The following MGAT5 variants were observed in gnomAD, a reference collection of about 807,000 sequenced individuals.
The protein encoded by MGAT5 is alpha-1,6-mannosylglycoprotein 6-beta-N-acetylglucosaminyltransferase.
In MGAT5, 30 loss-of-function variants were observed where a neutral mutation model predicts 94.3. The ratio of observed to expected loss-of-function variants is 0.32; its 90% confidence interval spans 0.24 to 0.43. MGAT5 has a LOEUF of 0.43. Among genes scored for constraint, MGAT5 ranks in the 20% least tolerant of loss-of-function variants. MGAT5 has a pLI of 1.00. For missense variants in MGAT5, 691 were observed against 905.5 expected (o/e 0.76, Z 3.04); for synonymous variants, 310 against 322.9 (o/e 0.96, Z 0.43).
intron 1 of MGAT5, among the ~76,000 whole-genome samples, chr2:134,188,388 A>C: frequency 6.6e-6 from 1 of 152,246 alleles, no homozygotes; most frequent in East Asian, 1.9e-4. Flanking sequence ...GTGGCCTTGC[A>C]CAAGTCCCTT....
chr2:134,217,316 T>C (rs1054560749), intron 1 of MGAT5, among the ~76,000 whole-genome samples: 3 of 151,592 alleles, frequency 2.0e-5, no homozygotes, highest in African/African-American at 7.3e-5. Flanking sequence ...AGGAAATACA[T>C]CTTTTTTGAG....
intron 1 of MGAT5, among the ~76,000 whole-genome samples, chr2:134,257,836 CTTTTTTT>C (rs10628858): frequency 2.9e-4 from 31 of 106,432 alleles, no homozygotes; most frequent in African/African-American, 1.0e-3. Flanking sequence ...TTTGCAGTCT[CTTTTTTT>C]TTTTTTTTTT....
intron 2 of MGAT5, among the ~76,000 whole-genome samples, chr2:134,301,924 G>A (rs375589583): frequency 3.3e-5 from 5 of 152,242 alleles, no homozygotes; most frequent in African/African-American, 1.2e-4. Flanking sequence ...AAGAGACCTG[G>A]GGGATGCAAG....
At chr2:134,157,894 T>C (rs1687549530) in intron 1 of MGAT5, among the ~76,000 whole-genome samples, 1 of 152,188 alleles carries the variant, frequency 6.6e-6, no homozygotes, top group Non-Finnish European at 1.5e-5. Context: ...GTTCTCAGAA[T>C]ACTTGAAGTG....
intron 10 of MGAT5, among the ~76,000 whole-genome samples, chr2:134,389,297 G>A (rs1682248719): frequency 6.6e-6 from 1 of 152,148 alleles, no homozygotes; most frequent in South Asian, 2.1e-4. Flanking sequence ...ATTCTATGCT[G>A]ACGAGTAATG....
intron 14 of MGAT5, among the ~76,000 whole-genome samples, chr2:134,431,620 C>T (rs1248830427): frequency 6.6e-6 from 1 of 152,134 alleles, no homozygotes; most frequent in Non-Finnish European, 1.5e-5. Context: ...CCTGCAGCTC[C>T]GAGGAGGCCC....
At chr2:134,241,399 G>A (rs1032485024) in intron 1 of MGAT5, among the ~76,000 whole-genome samples, 2 of 152,220 alleles carry the variant, frequency 1.3e-5, no homozygotes, top group African/African-American at 4.8e-5. Context: ...TGTAAGAAAT[G>A]CAAACATGGG....
At chr2:134,292,763 G>A (rs562583402) in intron 2 of MGAT5, among the ~76,000 whole-genome samples, 1 of 152,212 alleles carries the variant, frequency 6.6e-6, no homozygotes, top group Admixed American at 6.5e-5. Context: ...CCGAGCAAGG[G>A]GTAGCTCTTG....
At chr2:134,278,157 G>A (rs561363661) in intron 2 of MGAT5, among the ~76,000 whole-genome samples, 1 of 152,274 alleles carries the variant, frequency 6.6e-6, no homozygotes, top group South Asian at 2.1e-4. Flanking sequence ...CTCATTGTTG[G>A]TATAGTTTTC....
chr2:134,247,379 A>AC (rs1202094128), intron 1 of MGAT5, among the ~76,000 whole-genome samples: 1 of 150,994 alleles, frequency 6.6e-6, no homozygotes, highest in African/African-American at 2.4e-5. Context: ...AAAAAACAAA[A>AC]AAAAAACGTA....
At chr2:134,440,957 G>A (rs950603307) in intron 14 of MGAT5, among the ~76,000 whole-genome samples, 1 of 152,196 alleles carries the variant, frequency 6.6e-6, no homozygotes. Context: ...AATATTAGAA[G>A]TGTTTTGGGT....
At chr2:134,356,320 T>G (rs2106083742) in intron 9 of MGAT5, among the ~76,000 whole-genome samples, 1 of 152,246 alleles carries the variant, frequency 6.6e-6, no homozygotes, top group South Asian at 2.1e-4. Context: ...TTTTTTTTCT[T>G]TTTACCCCCT....
chr2:134,152,193 C>A, intron 1 of MGAT5, among the ~76,000 whole-genome samples: 1 of 147,548 alleles, frequency 6.8e-6, no homozygotes, highest in Non-Finnish European at 1.5e-5. Context: ...ATGGGACCTG[C>A]CCACCGCCAT....
rs541783327 is a variant in MGAT5 at position 134,160,565 on chromosome 2, C to T, written c.-143+40274C>T. Among the ~76,000 whole-genome samples the T allele has an allele frequency of 3.5e-4, 53 of 152,246 alleles. 2 individuals are homozygous for T. The South Asian group carries it at 8.5e-3, about 24-fold the overall frequency. On this transcript the variant is annotated intron_variant, in intron 1 of 16. Coordinates refer to the MGAT5 transcript ENST00000409645. ...GTTGGTGTAGGTTAAGGATTGGGTG[C>T]GGGTATTGTATGAACACATCTGGTC...
chr2:134,322,381 A>G (rs1050232442), intron 4 of MGAT5, among the ~76,000 whole-genome samples: 9 of 152,160 alleles, frequency 5.9e-5, no homozygotes, highest in Non-Finnish European at 1.0e-4. Context: ...TAAATTGACA[A>G]CGTTTGTATG....
intron 9 of MGAT5, among the ~76,000 whole-genome samples, chr2:134,350,547 G>T (rs1679316440): frequency 6.6e-6 from 1 of 152,064 alleles, no homozygotes; most frequent in African/African-American, 2.4e-5. Context: ...CACACCAAAT[G>T]ATGATGAATT....
intron 1 of MGAT5, among the ~76,000 whole-genome samples, chr2:134,153,177 C>G (rs1295454356): frequency 6.6e-6 from 1 of 152,186 alleles, no homozygotes; most frequent in East Asian, 1.9e-4. Context: ...GCCTCAGCCT[C>G]CCAGAGTGTT....
intron 2 of MGAT5, among the ~76,000 whole-genome samples, chr2:134,308,423 C>T (rs1311829918): frequency 1.3e-5 from 2 of 152,312 alleles, no homozygotes; most frequent in African/African-American, 4.8e-5. Flanking sequence ...ACATTCAGGG[C>T]TCCACATTCT....
chr2:134,232,449 A>AAG (rs1256429635), intron 1 of MGAT5, among the ~76,000 whole-genome samples: 4 of 152,186 alleles, frequency 2.6e-5, no homozygotes, highest in Non-Finnish European at 4.4e-5. Flanking sequence ...CCATTAGCTG[A>AAG]AGAGGGGCCT....
Sources: allele counts gnomAD v4.1 joint callset (sites outside exome capture counted in the v4.1 genomes callset), GRCh38; gene constraint gnomAD v4.1.1; transcripts MANE v1.5; gene names NCBI Gene and HGNC (gene_info 2026-07-23, HGNC 2026-07-21).